The following TBXAS1 variants were observed in gnomAD, a reference collection of about 807,000 sequenced individuals.
TBXAS1 encodes the protein thromboxane-A synthase.
TBXAS1 carries 48 observed loss-of-function variants against 60.7 expected under a neutral mutation model. The ratio of observed to expected loss-of-function variants is 0.79; its 90% CI spans 0.63 to 1.01. The LOEUF (loss-of-function observed/expected upper bound fraction) is 1.01. Ranked by LOEUF, TBXAS1 falls within the 50% of genes least tolerant of loss-of-function variation. The pLI is 0.00. For missense variants in TBXAS1, 685 were observed against 686.3 expected, an observed-to-expected ratio of 1.00 and a Z score of 0.02; for synonymous variants, 287 against 269.7, an observed-to-expected ratio of 1.06 and a Z score of -0.63.
In TBXAS1 at chr7:140,017,676, C is replaced by A; in HGVS notation, c.1370C>A (p.Thr457Lys). 1.2e-6 allele frequency: 2 copies of A among 1,612,910 alleles called. No homozygotes were observed. The highest frequency in any genetic ancestry group is 1.7e-6 in the Non-Finnish European group (2 of 1,179,722). The change falls in exon 12 of 13, where the codon ACG becomes AAG. Residue 457 changes from threonine to lysine, a missense_variant. Physicochemically the swap from Thr to Lys is moderately conservative, Grantham distance 78. Coordinates refer to ENST00000448866, the MANE Select transcript of TBXAS1 (RefSeq NM_001061.7). ...CTGACCACACGGACCTGCAGGTTCA[C>A]GGCTGAGGCCCGGCAGCAGCACCGG... is the stretch of plus-strand genomic sequence containing the variant. ...SPETFNPERF[T>K]AEARQQHRPF... is the part of the protein sequence containing the mutation.
At chr7:139,926,218 G>A (rs1028862913) in intron 4 of TBXAS1, among the ~76,000 whole-genome samples, 1 of 152,168 alleles carries the variant, frequency 6.6e-6, no homozygotes, top group African/African-American at 2.4e-5. Flanking sequence ...AGTTTGAGTA[G>A]AATTGGTATT....
chr7:139,845,832 T>TTG (rs1554473568), intron 1 of TBXAS1, among the ~76,000 whole-genome samples: 16 of 151,392 alleles, frequency 1.1e-4, no homozygotes, highest in African/African-American at 3.9e-4. Context: ...AGTTTTTTTT[T>TTG]TTTTTTTTTT....
At chr7:139,883,476 T>C (rs544893718) in intron 3 of TBXAS1, among the ~76,000 whole-genome samples, 1 of 152,344 alleles carries the variant, frequency 6.6e-6, no homozygotes, top group Non-Finnish European at 1.5e-5. Flanking sequence ...GCTGCATATT[T>C]TAATGACTAC....
chr7:139,944,596 G>A (rs1320844851), intron 5 of TBXAS1, among the ~76,000 whole-genome samples: 2 of 152,162 alleles, frequency 1.3e-5, no homozygotes, highest in Non-Finnish European at 2.9e-5. Context: ...GTGCAGATGA[G>A]GGGAACTGTG....
chr7:139,973,594 A>G (rs1811367472), intron 9 of TBXAS1, among the ~76,000 whole-genome samples: 1 of 148,526 alleles, frequency 6.7e-6, no homozygotes, highest in African/African-American at 2.5e-5. Context: ...ATAACTGAAT[A>G]TGGCATGTGT....
At chr7:139,920,074 A>G (rs1287935747) in intron 4 of TBXAS1, among the ~76,000 whole-genome samples, 1 of 152,202 alleles carries the variant, frequency 6.6e-6, no homozygotes. Flanking sequence ...CCAGCTCAAG[A>G]TCATTGAAGC....
intron 4 of TBXAS1, among the ~76,000 whole-genome samples, chr7:139,795,823 G>A (rs890660318): frequency 6.6e-6 from 1 of 151,850 alleles, no homozygotes. Flanking sequence ...CTCTGCCTAC[G>A]TAACCAGGCC....
intron 1 of TBXAS1, among the ~76,000 whole-genome samples, chr7:139,868,163 A>G (rs1452960944): frequency 6.6e-6 from 1 of 152,232 alleles, no homozygotes. Context: ...ATTAATTCAC[A>G]TCAAAGGAAA....
chr7:139,877,047 C>A (rs1421034436), intron 3 of TBXAS1, among the ~76,000 whole-genome samples: 1 of 152,076 alleles, frequency 6.6e-6, no homozygotes, highest in African/African-American at 2.4e-5. Flanking sequence ...TCTGCTGAAT[C>A]ATTTCAGCTT....
intron 5 of TBXAS1, among the ~76,000 whole-genome samples, chr7:139,939,701 C>T (rs915238258): frequency 1.3e-5 from 2 of 151,788 alleles, no homozygotes; most frequent in African/African-American, 4.8e-5. Flanking sequence ...AACACAGAGA[C>T]GTGTAGCATA....
At position 140,002,544 on chromosome 7, in the gene TBXAS1, C is replaced by A. The variant is rs1030273979; in HGVS notation, c.1135-4547C>A. 2.0e-5 allele frequency among the ~76,000 whole-genome samples: 3 copies of A among 152,212 alleles called. No homozygotes were observed. In the East Asian group the frequency reaches 5.8e-4, roughly 29 times the overall value. On this transcript the variant is annotated intron_variant, in intron 9 of 12. Coordinates refer to ENST00000448866, the MANE Select transcript of TBXAS1 (RefSeq NM_001061.7). ...AAGCTGCAGACAAAGCCAGCAACTG[C>A]TGGGTGGACCAGCCAGTGAGTGGGA...
intron 1 of TBXAS1, among the ~76,000 whole-genome samples, chr7:139,849,165 A>G (rs922752443): frequency 1.3e-5 from 2 of 152,024 alleles, no homozygotes; most frequent in Non-Finnish European, 2.9e-5. Context: ...TCACTTGAGC[A>G]CAGGAATTCT....
intron 3 of TBXAS1, among the ~76,000 whole-genome samples, chr7:139,786,248 T>C (rs1284552624): frequency 6.6e-6 from 1 of 151,808 alleles, no homozygotes; most frequent in East Asian, 1.9e-4. Context: ...GCCTCATCAG[T>C]AGAAATTATT....
intron 3 of TBXAS1, among the ~76,000 whole-genome samples, chr7:139,901,033 G>T (rs925917183): frequency 2.6e-5 from 4 of 152,186 alleles, no homozygotes; most frequent in South Asian, 4.1e-4. Flanking sequence ...CATGGAATGC[G>T]AGGGTGGTTC....
intron 9 of TBXAS1, among the ~76,000 whole-genome samples, chr7:140,006,776 T>C (rs559582879): frequency 6.6e-6 from 1 of 152,232 alleles, no homozygotes; most frequent in South Asian, 2.1e-4. Flanking sequence ...GTAACGTCTA[T>C]GCTGCACTTG....
chr7:140,017,536 G>C, intron 11 of TBXAS1, 135 bp from the exon 12 acceptor site: 1 of 1,196,688 alleles, frequency 8.4e-7, no homozygotes, highest in Non-Finnish European at 1.2e-6. Flanking sequence ...TGAGGCTCAG[G>C]AATGAGCAGC....
chr7:139,989,915 A>G (rs1812766766), intron 9 of TBXAS1, among the ~76,000 whole-genome samples: 1 of 152,294 alleles, frequency 6.6e-6, no homozygotes, highest in South Asian at 2.1e-4. Flanking sequence ...ATCTTTGCTC[A>G]TCATTGTCAT....
At chr7:139,986,749 ATATATATG>A (rs1569522740) in intron 9 of TBXAS1, among the ~76,000 whole-genome samples, 24 of 42,156 alleles carry the variant, frequency 5.7e-4, no homozygotes, top group African/African-American at 2.0e-3. Flanking sequence ...ACATACATAT[ATATATATG>A]TGTGTGTGTG....
chr7:139,964,702 A>G (rs1810645400), intron 9 of TBXAS1, among the ~76,000 whole-genome samples: 1 of 152,262 alleles, frequency 6.6e-6, no homozygotes, highest in Non-Finnish European at 1.5e-5. Flanking sequence ...TCAGGTCCTC[A>G]TCTTGCGGGA....
Sources: allele counts gnomAD v4.1 joint callset (sites outside exome capture counted in the v4.1 genomes callset), GRCh38; gene constraint gnomAD v4.1.1; transcripts MANE v1.5; gene names NCBI Gene and HGNC (gene_info 2026-07-23, HGNC 2026-07-21).